The following GGH variants were observed in gnomAD, a reference collection of about 807,000 sequenced individuals.
GGH encodes the protein gamma-glutamyl hydrolase.
GGH carries 18 observed loss-of-function variants against 39.2 expected under a neutral mutation model. That is an observed-to-expected ratio of 0.46 (90% confidence interval 0.32 to 0.68). The LOEUF (loss-of-function observed/expected upper bound fraction) is 0.68, where lower values mean the gene tolerates loss of function less well. GGH is among the 30% of genes least tolerant of loss of function. The pLI, the probability that GGH is intolerant of heterozygous loss-of-function variation, is 0.04. For synonymous variants in GGH, 147 were observed against 138.8 expected (o/e 1.06, Z -0.42); for missense variants, 367 against 384.1 (o/e 0.96, Z 0.37).
intron 1 of GGH, among the ~76,000 whole-genome samples, chr8:63,036,136 A>G (rs1162406637): frequency 1.3e-5 from 2 of 152,154 alleles, no homozygotes; most frequent in Non-Finnish European, 2.9e-5. Context: ...TTCCCTGACA[A>G]CGAAGCAAAG....
At chr8:63,022,757 A>G (rs1804616076) in intron 7 of GGH, among the ~76,000 whole-genome samples, 1 of 150,302 alleles carries the variant, frequency 6.7e-6, no homozygotes, top group South Asian at 2.1e-4. Context: ...TGAACTTCTG[A>G]CCTCAGGTGA....
chr8:63,024,395 T>G (rs1429883622), intron 5 of GGH: 1 of 440,254 alleles, frequency 2.3e-6, no homozygotes, highest in Non-Finnish European at 4.0e-6. Context: ...CTATAAGTAA[T>G]CTTCTTCTAG....
intron 7 of GGH, among the ~76,000 whole-genome samples, chr8:63,018,835 C>G (rs952845518): frequency 2.0e-5 from 3 of 152,080 alleles, no homozygotes; most frequent in African/African-American, 7.2e-5. Context: ...GGAAAAGATA[C>G]ATATATATAA....
intron 2 of GGH, 89 bp downstream of exon 2, chr8:63,035,567 A>G (rs1804890944): frequency 6.7e-7 from 1 of 1,499,074 alleles, no homozygotes; most frequent in African/African-American, 1.4e-5. Flanking sequence ...GGCCTCCCAA[A>G]GTGCTAGAAT....
At chr8:63,019,685 T>A (rs2129642528) in intron 7 of GGH, among the ~76,000 whole-genome samples, 1 of 152,238 alleles carries the variant, frequency 6.6e-6, no homozygotes, top group East Asian at 1.9e-4. Flanking sequence ...TTATGTGTTT[T>A]CAGAAAGTCA....
In GGH at chr8:63,015,275, T is replaced by C. The variant is rs1804464888; in HGVS notation, c.*57A>G. Reference sequence around the variant, plus strand: ...AATCTTGCCATGAGTAGCAAGTTATTCTAACAGTTTAATCATGGAATTATT... The same window carrying C: ...AATCTTGCCATGAGTAGCAAGTTATCCTAACAGTTTAATCATGGAATTATT... On this transcript the variant is annotated 3_prime_UTR_variant, in exon 9 of 9. Transcript: ENST00000260118. The C allele has an allele frequency of 3.3e-6, 3 of 914,322 alleles. No individual in the cohort carries two copies. Among genetic ancestry groups the C allele is most frequent in the Admixed American group, 5.0e-5 (2 of 40,212 alleles). 56.6% of individuals were successfully genotyped at this position (914,322 alleles called of 1,614,324 possible).
At chr8:63,025,679 C>T (rs559485149) in intron 5 of GGH, among the ~76,000 whole-genome samples, 4 of 151,816 alleles carry the variant, frequency 2.6e-5, no homozygotes, top group Admixed American at 6.6e-5. Context: ...TGCAGTGAGC[C>T]GAGATTGCGT....
chr8:63,038,772 G>A lies in GGH; in HGVS notation c.-4C>T, dbSNP rs764081468. 19 of 1,514,864 alleles carry A rather than the reference G, an allele frequency of 1.3e-5. No individual in the cohort carries two copies. The South Asian group carries it at 2.0e-4, about 16-fold the overall frequency. 93.8% of individuals were successfully genotyped at this position (1,514,864 alleles called of 1,614,324 possible). A position where few individuals can be genotyped will look rare whatever the true frequency, so the allele number is the denominator to read the frequency against. ...GCAGGCAGCCCGGACTGGCCATGGC[G>A]CTCGCCGCCTCCCGCCGCCTTTCAA... On this transcript the variant is annotated 5_prime_UTR_variant, in exon 1 of 9. Coordinates refer to ENST00000260118, the MANE Select transcript of GGH (RefSeq NM_003878.3).
Position 63,023,978 on chromosome 8 carries a change from T to G in GGH, c.626A>C (p.Lys209Thr), listed in dbSNP as rs780870071. ...LSVKNFTMNE[K>T]LKKFFNVLTT... ...TAAGACATTGAAAAACTTCTTTAAC[T>G]TTTCATTCATTGTAAAATTCTAGAA... The change falls in exon 7 of 9, where the codon AAG becomes ACG. Residue 209 changes from lysine to threonine, a missense_variant. Physicochemically the swap from Lys to Thr is moderately conservative, Grantham distance 78. Transcript: ENST00000260118. 20 of 1,587,952 alleles carry G rather than the reference T, an allele frequency of 1.3e-5. No homozygotes were observed. Among genetic ancestry groups the G allele is most frequent in the Non-Finnish European group, 1.6e-5 (19 of 1,163,132 alleles).
In GGH at chr8:63,015,156, C is replaced by A; in HGVS notation, c.*176G>T. On this transcript the variant is annotated 3_prime_UTR_variant, in exon 9 of 9. Transcript: ENST00000260118. ...TCCATGAAAAACACTCTATTTATGTCTCACTATTTAATTATCTAATGTTAT... is the reference window on the plus strand; with the variant it reads ...TCCATGAAAAACACTCTATTTATGTATCACTATTTAATTATCTAATGTTAT... The A allele has an allele frequency of 2.6e-6, 1 of 387,544 alleles. No homozygotes were observed. Among genetic ancestry groups the A allele is most frequent in the Non-Finnish European group, 4.6e-6 (1 of 219,580 alleles). The allele number at this position is 387,544 out of a possible 1,614,324, so 24.0% of individuals were successfully genotyped here. A position where few individuals can be genotyped will look rare whatever the true frequency, so the allele number is the denominator to read the frequency against.
At chr8:63,017,683 T>C (rs998164887) in intron 7 of GGH, 53 bp from the exon 8 acceptor site, 1 of 1,096,512 alleles carries the variant, frequency 9.1e-7, no homozygotes. Flanking sequence ...AAATGTTACT[T>C]ATAATGAAAT....
chr8:63,017,875 T>C (rs1670662182), intron 7 of GGH: 1 of 362,130 alleles, frequency 2.8e-6, no homozygotes, highest in Non-Finnish European at 4.9e-6. Context: ...GAGATACTCA[T>C]AGCAAAGTAG....
Position 63,035,725 on chromosome 8 carries a change from C to G in GGH, c.155G>C (p.Gly52Ala). 1 of 1,613,518 alleles carries G rather than the reference C, an allele frequency of 6.2e-7. No individual in the cohort carries two copies. The highest frequency in any genetic ancestry group is 2.2e-5 in the East Asian group (1 of 44,872). ...ATAGGACGCAGCAATATAGTATCTT[C>G]CATAGTTTTTCATGACTTTATTACG... ...KCRNKVMKNY[G>A]RYYIAASYVK... The change falls in exon 2 of 9, where the codon GGA (glycine) becomes GCA (alanine). Residue 52 changes from glycine (G) to alanine (A), a missense_variant. By Grantham distance (60) the Gly-to-Ala change is moderately conservative (BLOSUM62 0). Coordinates refer to ENST00000260118, the MANE Select transcript of GGH (RefSeq NM_003878.3).
chr8:63,018,219 G>C (rs140754817), intron 7 of GGH, among the ~76,000 whole-genome samples: 75 of 152,110 alleles, frequency 4.9e-4, no homozygotes, highest in African/African-American at 1.7e-3. Context: ...CTGATAGATA[G>C]ACACCCAGGG....
rs376001011 is a variant in GGH at position 63,026,175 on chromosome 8, G to A, written c.482C>T (p.Pro161Leu). 83 of 1,601,004 alleles carry A rather than the reference G, an allele frequency of 5.2e-5. No homozygotes were observed. Among genetic ancestry groups the A allele is most frequent in the Non-Finnish European group, 5.4e-5 (64 of 1,175,564 alleles). The change falls in exon 5 of 9, where the codon CCG (proline) becomes CTG (leucine). Residue 161 changes from proline (P) to leucine (L), a missense_variant. Physicochemically the swap from Pro to Leu is moderately conservative, Grantham distance 98. Coordinates refer to ENST00000260118, the MANE Select transcript of GGH (RefSeq NM_003878.3). ...ACTCTTACCTCCAGTGAAGTTCAGC[G>A]GCATTGCCACGTCAACAGTATCTGT... ...TATDTVDVAMPLNFTGGQLHS... is the reference protein window; with the variant it reads ...TATDTVDVAMLLNFTGGQLHS...
Position 63,038,670 on chromosome 8 carries a change from C to T in GGH, c.99G>A (p.Lys33=), listed in dbSNP as rs1804958984. ...LSRPHGDTAK[K]PIIGILMQKC... is the part of the protein sequence containing the mutation. ...GCACAGCCTCCTTACCGATGATGGG[C>T]TTCTTGGCGGTGTCGCCGTGGGGTC... The change falls in exon 1 of 9, where the codon AAG becomes AAA. Residue 33 remains lysine (K), a synonymous_variant. Coordinates refer to ENST00000260118, the MANE Select transcript of GGH (RefSeq NM_003878.3). 1 of 1,528,556 alleles carries T rather than the reference C, an allele frequency of 6.5e-7. No homozygotes were observed. The highest frequency in any genetic ancestry group is 8.9e-7 in the Non-Finnish European group (1 of 1,127,904). 94.7% of individuals were successfully genotyped at this position (1,528,556 alleles called of 1,614,324 possible). A position where few individuals can be genotyped will look rare whatever the true frequency, so the allele number is the denominator to read the frequency against.
intron 7 of GGH, among the ~76,000 whole-genome samples, chr8:63,022,972 T>C (rs1011502991): frequency 6.6e-6 from 1 of 152,228 alleles, no homozygotes; most frequent in African/African-American, 2.4e-5. Context: ...GCAGGTCTGC[T>C]TCCACATCTG....
chr8:63,019,603 GT>G, intron 7 of GGH, among the ~76,000 whole-genome samples: 1 of 151,984 alleles, frequency 6.6e-6, no homozygotes, highest in Admixed American at 6.6e-5. Context: ...AGGTCATAAT[GT>G]TTTTTTGGAT....
chr8:63,038,061 T>G lies in GGH; in HGVS notation c.109+599A>C, dbSNP rs186128463. On this transcript the variant is annotated intron_variant, in intron 1 of 8. Transcript: ENST00000260118. Reference sequence around the variant, plus strand: ...TTGGGCCTGTCTCAAATGTGTGTTTTGGTAACACAGACTGATTTTACTACC... The same window carrying G: ...TTGGGCCTGTCTCAAATGTGTGTTTGGGTAACACAGACTGATTTTACTACC... 6.1e-3 allele frequency among the ~76,000 whole-genome samples: 934 copies of G among 152,350 alleles called. 6 individuals are homozygous for G. Among genetic ancestry groups the G allele is most frequent in the Admixed American group, 0.012 (180 of 15,308 alleles).
Sources: allele counts gnomAD v4.1 joint callset (sites outside exome capture counted in the v4.1 genomes callset), GRCh38; gene constraint gnomAD v4.1.1; transcripts MANE v1.5; gene names NCBI Gene and HGNC (gene_info 2026-07-23, HGNC 2026-07-21).